The following P2RX5 variants were observed in gnomAD, a reference collection of about 807,000 sequenced individuals.
P2RX5 encodes P2X purinoceptor 5.
A neutral mutation model predicts 54.1 loss-of-function variants in P2RX5; 46 were observed. That is an observed-to-expected ratio of 0.85 (90% CI 0.67 to 1.09). The LOEUF (loss-of-function observed/expected upper bound fraction) is 1.09. Among genes scored for constraint, P2RX5 ranks in the 50% least tolerant of loss-of-function variants. The probability of loss-of-function intolerance (pLI) is 0.00; values close to 1 mark genes in which losing one functional copy is unlikely to be tolerated. For missense variants in P2RX5, 566 were observed against 549.8 expected, an observed-to-expected ratio of 1.03 and a Z score of -0.29; for synonymous variants, 226 against 226.4, an observed-to-expected ratio of 1.00 and a Z score of 0.02.
upstream of P2RX5, among the ~76,000 whole-genome samples, chr17:3,697,498 A>G (rs2050782619): frequency 2.6e-5 from 4 of 152,192 alleles, no homozygotes; most frequent in South Asian, 8.3e-4. Flanking sequence ...TTTCACACAC[A>G]AAGAGGCTCC....
At chr17:3,723,231 G>T in the P2RX5 span, 1 of 1,131,358 alleles carries the variant, frequency 8.8e-7, no homozygotes, top group Non-Finnish European at 1.4e-6. Context: ...TCTCTTCTAG[G>T]GGCGATGCCC....
chr17:3,676,278 G>C (rs761414078), intron 11 of P2RX5: 265 of 985,292 alleles, frequency 2.7e-4, no homozygotes, highest in Non-Finnish European at 3.1e-4. Flanking sequence ...GTCCATTTTT[G>C]ACAGGGGAGA....
At chr17:3,715,851 C>G in the P2RX5 span, among the ~76,000 whole-genome samples, 1 of 151,668 alleles carries the variant, frequency 6.6e-6, no homozygotes, top group Non-Finnish European at 1.5e-5. Flanking sequence ...GGACAAAGAC[C>G]CTGGTGTTTA....
chr17:3,698,733 A>C (rs1440192768), upstream of P2RX5, among the ~76,000 whole-genome samples: 1 of 152,070 alleles, frequency 6.6e-6, no homozygotes, highest in Admixed American at 6.6e-5. Context: ...ACCAGGCTGC[A>C]ACTTCTGACG....
intron 9 of P2RX5, chr17:3,682,233 CCCCATCCAA>C: frequency 1.9e-6 from 1 of 524,402 alleles, no homozygotes; most frequent in Non-Finnish European, 3.5e-6. Flanking sequence ...ACCACCCGGA[CCCCATCCAA>C]TCGTTCCTTC....
the P2RX5 span, among the ~76,000 whole-genome samples, chr17:3,710,165 G>A: frequency 1.4e-4 from 21 of 152,022 alleles, no homozygotes; most frequent in South Asian, 4.2e-4. Context: ...GGCGGCTCAC[G>A]CCTGGAATCC....
chr17:3,701,007 C>G (rs1249898668), upstream of P2RX5, among the ~76,000 whole-genome samples: 3 of 152,158 alleles, frequency 2.0e-5, no homozygotes, highest in African/African-American at 7.2e-5. Context: ...CCCTCCTTCT[C>G]CTCCCTCACA....
chr17:3,673,853 G>A lies in P2RX5; in HGVS notation c.*15C>T, dbSNP rs548350401. 1.6e-5 allele frequency: 25 copies of A among 1,612,902 alleles called. No homozygotes were observed. The highest frequency in any genetic ancestry group is 1.9e-4 in the Middle Eastern group (1 of 5,306). ...GCTGGGTTTAGGACAGGGCCTGAAC[G>A]TAAGCAGAGGCAATTCACGTGCTCC... On this transcript the variant is annotated 3_prime_UTR_variant, in exon 12 of 12. Transcript: ENST00000225328.
At chr17:3,701,488 T>C in the P2RX5 span, among the ~76,000 whole-genome samples, 1 of 151,904 alleles carries the variant, frequency 6.6e-6, no homozygotes, top group African/African-American at 2.4e-5. Flanking sequence ...AGGTCAGGAG[T>C]TCGAGACCAG....
chr17:3,709,040 C>T, the P2RX5 span, among the ~76,000 whole-genome samples: 2,014 of 152,284 alleles, frequency 0.013, 23 homozygotes, highest in Middle Eastern at 0.024. Flanking sequence ...CAACATCCCC[C>T]TCCCGTGTTC....
rs868063396 is a variant in P2RX5 at position 3,679,872 on chromosome 17, C to T, written c.1065-88G>A. On this transcript the variant is annotated intron_variant, in intron 10 of 11. Transcript: ENST00000225328. ...GCGGAGTGGGCCTTGAAGAATCCCT[C>T]GCCCTGCAGGCCGCCACCCTGCTTC... is the stretch of plus-strand genomic sequence containing the variant. The T allele has an allele frequency of 5.1e-4, 603 of 1,178,442 alleles. 1 individual carries two copies. The highest frequency in any genetic ancestry group is 3.4e-3 in the Middle Eastern group (17 of 4,984). 73.0% of individuals were successfully genotyped at this position (1,178,442 alleles called of 1,614,324 possible).
chr17:3,680,923 T>C (rs1376886523), intron 10 of P2RX5, among the ~76,000 whole-genome samples: 4 of 142,716 alleles, frequency 2.8e-5, no homozygotes, highest in African/African-American at 5.5e-5. Context: ...CCCTGCATCC[T>C]CCACCCTGCA....
chr17:3,685,651 T>TCCCCCGC (rs779601438), intron 9 of P2RX5: 359 of 35,576 alleles, frequency 0.01, 15 homozygotes, highest in East Asian at 0.044. Flanking sequence ...CCTCCCAGCG[T>TCCCCCGC]CCCCCTCCCA....
rs745517951 is a variant in P2RX5, at chr17:3,695,878, T to C, written c.128A>G (p.Tyr43Cys). The part of the protein sequence containing the change: ...YRLLQASILA[Y>C]LVVWVFLIKK... Reference sequence around the variant, plus strand: ...TCCGCGGAGAACTTACACGACCAGGTACGCCAGGATGGAGGCCTGCAGCAG... The same window carrying C: ...TCCGCGGAGAACTTACACGACCAGGCACGCCAGGATGGAGGCCTGCAGCAG... The change falls in exon 1 of 12, where the codon TAC becomes TGC. Residue 43 changes from tyrosine to cysteine, a missense_variant. By Grantham distance (194) the Tyr-to-Cys change is radical. Coordinates refer to ENST00000225328, the MANE Select transcript of P2RX5 (RefSeq NM_002561.4). The C allele has an allele frequency of 6.3e-7, 1 of 1,587,926 alleles. No individual in the cohort carries two copies. Among genetic ancestry groups the C allele is most frequent in the Non-Finnish European group, 8.6e-7 (1 of 1,164,530 alleles).
At chr17:3,701,715 A>AAAAAT in the P2RX5 span, among the ~76,000 whole-genome samples, 2 of 137,906 alleles carry the variant, frequency 1.5e-5, no homozygotes, top group Middle Eastern at 3.6e-3. Context: ...AAAAAAAAAA[A>AAAAAT]AAAAGGAACT....
chr17:3,680,803 C>CAG, intron 10 of P2RX5, among the ~76,000 whole-genome samples: 2 of 125,732 alleles, frequency 1.6e-5, no homozygotes, highest in African/African-American at 3.1e-5. Context: ...ATCCTCCACC[C>CAG]TGCATCCTCC....
chr17:3,709,308 C>G, the P2RX5 span, among the ~76,000 whole-genome samples: 1 of 152,144 alleles, frequency 6.6e-6, no homozygotes, highest in African/African-American at 2.4e-5. Context: ...AAGGTTGCGA[C>G]AAAGGCAAAT....
intron 11 of P2RX5, chr17:3,677,146 G>C: frequency 1.0e-6 from 1 of 985,394 alleles, no homozygotes; most frequent in Non-Finnish European, 1.2e-6. Flanking sequence ...TGTGGCCGTG[G>C]CATAAGACAG....
At chr17:3,717,123 A>G in the P2RX5 span, 2 of 261,490 alleles carry the variant, frequency 7.6e-6, no homozygotes. Flanking sequence ...TCAACACAGG[A>G]CTGTGAGGCT....
Sources: gnomAD v4.1 joint callset for allele counts (sites outside exome capture counted in the v4.1 genomes callset) on GRCh38, gnomAD v4.1.1 for gene constraint, MANE v1.5 for transcripts, NCBI Gene and HGNC (gene_info 2026-07-23, HGNC 2026-07-21) for gene names.